FAM174A: variants seen among roughly 807,000 people sequenced by gnomAD.
FAM174A encodes the protein membrane protein FAM174A.
Under a neutral mutation model 14.3 loss-of-function variants are expected in FAM174A, and 14 were observed. The ratio of observed to expected loss-of-function variants is 0.98; its 90% CI spans 0.65 to 1.53. The LOEUF is 1.53. FAM174A is among the 40% of genes most tolerant of loss of function. FAM174A has a pLI of 0.00. For missense variants in FAM174A, 241 were observed against 249.6 expected, an observed-to-expected ratio of 0.97 and a Z score of 0.23; for synonymous variants, 108 against 111.4, an observed-to-expected ratio of 0.97 and a Z score of 0.19.
intron 2 of FAM174A, among the ~76,000 whole-genome samples, chr5:100,580,385 T>G (rs1746987091): frequency 6.6e-6 from 1 of 152,202 alleles, no homozygotes; most frequent in African/African-American, 2.4e-5. Context: ...ATTTACTAAG[T>G]ATTAACTCAC....
At chr5:100,548,477 A>G (rs1259329212) in intron 1 of FAM174A, among the ~76,000 whole-genome samples, 1 of 152,110 alleles carries the variant, frequency 6.6e-6, no homozygotes, top group African/African-American at 2.4e-5. Context: ...GTTTGGTATA[A>G]TGTGAGATAG....
At chr5:100,573,055 G>C (rs1746824864) in intron 2 of FAM174A, among the ~76,000 whole-genome samples, 1 of 149,736 alleles carries the variant, frequency 6.7e-6, no homozygotes, top group South Asian at 2.1e-4. Flanking sequence ...GTCTTCTTTT[G>C]AGAAGTGTCT....
chr5:100,544,134 G>A (rs930649192), intron 1 of FAM174A, among the ~76,000 whole-genome samples: 2 of 152,184 alleles, frequency 1.3e-5, no homozygotes, highest in African/African-American at 4.8e-5. Flanking sequence ...TTCTGAGGCA[G>A]GCAAACTGCT....
chr5:100,537,562 G>A (rs1745965390), intron 1 of FAM174A, among the ~76,000 whole-genome samples: 1 of 152,116 alleles, frequency 6.6e-6, no homozygotes, highest in Non-Finnish European at 1.5e-5. Context: ...CAAAACAGCA[G>A]GCGTAAGCAA....
intron 1 of FAM174A, among the ~76,000 whole-genome samples, chr5:100,544,601 T>C (rs1746129540): frequency 6.6e-6 from 1 of 152,242 alleles, no homozygotes; most frequent in Admixed American, 6.5e-5. Flanking sequence ...AATCCTGCAA[T>C]AATGTAGTCA....
At chr5:100,564,139 C>G (rs560693860) in intron 2 of FAM174A, among the ~76,000 whole-genome samples, 8 of 151,934 alleles carry the variant, frequency 5.3e-5, no homozygotes, top group African/African-American at 1.9e-4. Context: ...TGCTCAGAAG[C>G]CAAGCAGATG....
chr5:100,550,362 G>T (rs145705905), intron 1 of FAM174A, among the ~76,000 whole-genome samples: 59 of 152,176 alleles, frequency 3.9e-4, no homozygotes, highest in African/African-American at 1.4e-3. Flanking sequence ...TTTTGTTGTG[G>T]TATGTATCTG....
chr5:100,551,924 T>C (rs965628718), intron 1 of FAM174A, among the ~76,000 whole-genome samples: 10 of 152,190 alleles, frequency 6.6e-5, no homozygotes, highest in African/African-American at 2.4e-4. Flanking sequence ...TGATTACCTC[T>C]ATAAAGACCT....
chr5:100,553,080 A>G (rs1211540020), intron 1 of FAM174A, among the ~76,000 whole-genome samples: 1 of 152,056 alleles, frequency 6.6e-6, no homozygotes, highest in African/African-American at 2.4e-5. Context: ...GTGTGTGTAT[A>G]ATATATATGT....
intron 2 of FAM174A, among the ~76,000 whole-genome samples, chr5:100,575,145 A>T (rs1355225085): frequency 1.3e-5 from 2 of 152,066 alleles, no homozygotes; most frequent in Non-Finnish European, 2.9e-5. Flanking sequence ...TATTACTGTT[A>T]ATTTTTCAAA....
intron 1 of FAM174A, among the ~76,000 whole-genome samples, chr5:100,561,645 G>A (rs1418984230): frequency 6.6e-6 from 1 of 151,896 alleles, no homozygotes; most frequent in Non-Finnish European, 1.5e-5. Flanking sequence ...TATACATACA[G>A]TTTCTTAGAG....
At chr5:100,580,631 C>T (rs922058754) in intron 2 of FAM174A, among the ~76,000 whole-genome samples, 7 of 152,204 alleles carry the variant, frequency 4.6e-5, no homozygotes, top group Non-Finnish European at 7.3e-5. Context: ...GGATCTGCCG[C>T]TCTGAGTCCA....
At chr5:100,550,929 G>T (rs1746250200) in intron 1 of FAM174A, among the ~76,000 whole-genome samples, 1 of 152,044 alleles carries the variant, frequency 6.6e-6, no homozygotes, top group South Asian at 2.1e-4. Context: ...CAAAGAACAA[G>T]ATGAGGCTAA....
intron 2 of FAM174A, among the ~76,000 whole-genome samples, chr5:100,571,143 T>C (rs1561321889): frequency 7.5e-6 from 1 of 132,640 alleles, no homozygotes; most frequent in East Asian, 1.9e-4. Context: ...TATACATATA[T>C]ATGTGTGTGT....
chr5:100,540,450 CAT>C (rs549000167), intron 1 of FAM174A, among the ~76,000 whole-genome samples: 26 of 152,220 alleles, frequency 1.7e-4, no homozygotes, highest in East Asian at 1.5e-3. Context: ...GTTTTCCTAA[CAT>C]GTGTAAATTG....
chr5:100,556,927 C>CCCCTTT (rs1319558481), intron 1 of FAM174A, among the ~76,000 whole-genome samples: 1 of 152,078 alleles, frequency 6.6e-6, no homozygotes, highest in Non-Finnish European at 1.5e-5. Context: ...AATTGAATAC[C>CCCCTTT]CTTTATTTCT....
intron 1 of FAM174A, among the ~76,000 whole-genome samples, chr5:100,539,348 T>A (rs1746007239): frequency 6.6e-6 from 1 of 152,100 alleles, no homozygotes; most frequent in African/African-American, 2.4e-5. Context: ...AAGGATGCTA[T>A]GAAAAGGCAT....
chr5:100,549,457 G>A (rs568671690), intron 1 of FAM174A, among the ~76,000 whole-genome samples: 38 of 152,122 alleles, frequency 2.5e-4, no homozygotes, highest in Non-Finnish European at 5.1e-4. Flanking sequence ...TACTTTACCT[G>A]GGGGTGTCTG....
chr5:100,564,019 A>G (rs927502209), intron 2 of FAM174A, among the ~76,000 whole-genome samples: 26 of 151,732 alleles, frequency 1.7e-4, no homozygotes, highest in African/African-American at 6.0e-4. Context: ...TTCTTGCAAA[A>G]TGTGGTTGTT....
Sources: gnomAD v4.1 joint callset for allele counts (sites outside exome capture counted in the v4.1 genomes callset) on GRCh38, gnomAD v4.1.1 for gene constraint, MANE v1.5 for transcripts, NCBI Gene and HGNC (gene_info 2026-07-23, HGNC 2026-07-21) for gene names.